Variants in AGBL1 observed in about 807,000 individuals in gnomAD.
AGBL1 encodes cytosolic carboxypeptidase 4.
Under a neutral mutation model 118.9 loss-of-function variants are expected in AGBL1, and 130 were observed. The observed-to-expected ratio is 1.09, with a 90% CI of 0.95 to 1.26. AGBL1 has a LOEUF of 1.26. Among genes scored for constraint, AGBL1 ranks in the 50% most tolerant of loss-of-function variants. The pLI, the probability that AGBL1 is intolerant of heterozygous loss-of-function variation, is 0.00. For missense variants in AGBL1, 1,584 were observed against 1,298.1 expected, an observed-to-expected ratio of 1.22 and a Z score of -3.38; for synonymous variants, 555 against 478.9, an observed-to-expected ratio of 1.16 and a Z score of -2.08.
At chr15:86,636,363 G>A (rs574917688) in intron 21 of AGBL1, among the ~76,000 whole-genome samples, 50 of 151,990 alleles carry the variant, frequency 3.3e-4, no homozygotes, top group Middle Eastern at 3.4e-3. Context: ...CATTTTCACC[G>A]TTTCATCTGG....
rs749844541 is a variant in AGBL1, at chr15:86,256,947, C to T, written c.830C>T (p.Thr277Ile). The T allele has an allele frequency of 8.7e-6, 14 of 1,613,876 alleles. No homozygotes were observed. Among genetic ancestry groups the T allele is most frequent in the Non-Finnish European group, 1.2e-5 (14 of 1,179,896 alleles). Reference protein sequence around the residue: ...CYPTSPLPLVTASSAYAFPVP... With the variant: ...CYPTSPLPLVIASSAYAFPVP... ...CCTACGAGTCCACTTCCCTTGGTCA[C>T]AGCCAGCAGTGCCTATGCCTTCCCG... Residue 277 changes from threonine (T) to isoleucine (I), a missense_variant, in exon 8 of 23, where the codon ACA becomes ATA. Physicochemically the swap from Thr to Ile is moderately conservative, Grantham distance 89 (BLOSUM62 -1). Coordinates refer to ENST00000614907, the MANE Select transcript of AGBL1 (RefSeq NM_001386094.1).
intron 18 of AGBL1, among the ~76,000 whole-genome samples, chr15:86,422,415 A>G (rs556590828): frequency 1.3e-5 from 2 of 152,310 alleles, no homozygotes; most frequent in South Asian, 4.1e-4. Context: ...CAAAGACACA[A>G]CTTACCACAA....
chr15:86,337,389 A>G (rs1595985388), intron 17 of AGBL1, among the ~76,000 whole-genome samples: 2 of 152,240 alleles, frequency 1.3e-5, no homozygotes, highest in African/African-American at 4.8e-5. Flanking sequence ...TGAGGTAGAA[A>G]GATGCATGCA....
chr15:86,452,923 T>G (rs2082213890), intron 18 of AGBL1, among the ~76,000 whole-genome samples: 1 of 152,224 alleles, frequency 6.6e-6, no homozygotes, highest in Non-Finnish European at 1.5e-5. Flanking sequence ...CCCGGTCTGC[T>G]CTGCTCAATA....
chr15:86,616,339 C>CAAA (rs199936794), intron 21 of AGBL1, among the ~76,000 whole-genome samples: 3 of 49,248 alleles, frequency 6.1e-5, no homozygotes, highest in African/African-American at 7.1e-5. Flanking sequence ...TCCTCCACTT[C>CAAA]AAAAAAAAAA....
chr15:86,713,181 G>C (rs1235702563), intron 22 of AGBL1, among the ~76,000 whole-genome samples: 2 of 152,074 alleles, frequency 1.3e-5, no homozygotes, highest in African/African-American at 4.8e-5. Flanking sequence ...AAGAGAAAGG[G>C]AGGCTAAGTA....
At chr15:86,163,412 A>T (rs2077294340) in intron 5 of AGBL1, among the ~76,000 whole-genome samples, 1 of 152,068 alleles carries the variant, frequency 6.6e-6, no homozygotes, top group African/African-American at 2.4e-5. Context: ...CTGGGGGACA[A>T]ATTGAGATCC....
chr15:86,789,659 A>G (rs1462849600), intron 22 of AGBL1, among the ~76,000 whole-genome samples: 1 of 152,116 alleles, frequency 6.6e-6, no homozygotes, highest in Non-Finnish European at 1.5e-5. Context: ...GTGGCTCTCA[A>G]TCCTCACTCA....
At chr15:86,871,528 A>G (rs1567217260) in intron 22 of AGBL1, among the ~76,000 whole-genome samples, 3 of 152,060 alleles carry the variant, frequency 2.0e-5, no homozygotes, top group African/African-American at 7.2e-5. Context: ...TGTGGTCTGG[A>G]TCCTCAGGCT....
intron 22 of AGBL1, among the ~76,000 whole-genome samples, chr15:86,772,124 C>T (rs2078191073): frequency 6.6e-6 from 1 of 152,022 alleles, no homozygotes; most frequent in Non-Finnish European, 1.5e-5. Context: ...GTCTGCCCAG[C>T]ATCTCCTTCA....
Position 86,802,969 on chromosome 15 carries a change from T to C in AGBL1, c.3159-104118T>C, listed in dbSNP as rs186887105. Among the ~76,000 whole-genome samples, 3 of 152,314 alleles carry C rather than the reference T, an allele frequency of 2.0e-5. No homozygotes were observed. In the East Asian group the frequency reaches 5.8e-4, roughly 29 times the overall value. On this transcript the variant is annotated intron_variant, in intron 22 of 22. Transcript: ENST00000614907. ...GAAGCAAATCACTATGTGTGACCCA[T>C]TATTTGGACTGCTATTAACCATTAC...
Position 86,132,959 on chromosome 15 carries a change from C to T in AGBL1, c.52-9045C>T, listed in dbSNP as rs556866276. 3.3e-5 allele frequency among the ~76,000 whole-genome samples: 5 copies of T among 152,244 alleles called. No homozygotes were observed. In the South Asian group the frequency reaches 6.2e-4, roughly 19 times the overall value. ...TTCACCTTTTGTCTGTCATGGCCAT[C>T]GCCTATTTATTTATCAACATTTTAT... is the stretch of plus-strand genomic sequence containing the variant. On this transcript the variant is annotated intron_variant, in intron 1 of 22. Transcript: ENST00000614907.
chr15:86,479,550 G>A (rs1567016004), intron 18 of AGBL1, among the ~76,000 whole-genome samples: 2 of 152,214 alleles, frequency 1.3e-5, no homozygotes, highest in East Asian at 3.9e-4. Context: ...CCACCAGTTA[G>A]AATGGTGATC....
intron 17 of AGBL1, among the ~76,000 whole-genome samples, chr15:86,307,383 C>G (rs2079856374): frequency 6.6e-6 from 1 of 151,960 alleles, no homozygotes; most frequent in Non-Finnish European, 1.5e-5. Flanking sequence ...GATCATTTTA[C>G]TAAATATGGG....
chr15:86,202,036 G>T (rs72630472), intron 5 of AGBL1, among the ~76,000 whole-genome samples: 10,587 of 152,182 alleles, frequency 0.07, 527 homozygotes, highest in East Asian at 0.24. Flanking sequence ...CTGTAATCCT[G>T]TAATCCCAGC....
At position 86,351,717 on chromosome 15, in the gene AGBL1, TAA is replaced by T. The variant is rs2080629586; in HGVS notation, c.2375-45646_2375-45645del. Among the ~76,000 whole-genome samples the T allele has an allele frequency of 3.3e-5, 5 of 152,318 alleles. No individual in the cohort carries two copies. The East Asian group carries it at 9.6e-4, about 29-fold the overall frequency. On this transcript the variant is annotated intron_variant, in intron 17 of 22. Transcript: ENST00000614907. ...AAGTTTACATCCAGAAGATCAAATA[TAA>T]AATATATTTCTACATCTATTTCTAC...
At chr15:86,686,706 G>A (rs996401857) in intron 22 of AGBL1, among the ~76,000 whole-genome samples, 11 of 151,838 alleles carry the variant, frequency 7.2e-5, no homozygotes, top group African/African-American at 9.7e-5. Flanking sequence ...CAAAGTGCTG[G>A]GATTACAGGC....
At chr15:86,593,900 T>G (rs530659899) in intron 21 of AGBL1, among the ~76,000 whole-genome samples, 1 of 152,268 alleles carries the variant, frequency 6.6e-6, no homozygotes, top group African/African-American at 2.4e-5. Context: ...TGAGATTCTT[T>G]ATCTTGTGTG....
At chr15:86,266,773 G>A (rs187370553) in intron 12 of AGBL1, among the ~76,000 whole-genome samples, 83 of 152,232 alleles carry the variant, frequency 5.5e-4, no homozygotes, top group African/African-American at 1.9e-3. Context: ...ATGGTGGCGG[G>A]TGCCTGTAGT....
Sources: allele counts gnomAD v4.1 joint callset (sites outside exome capture counted in the v4.1 genomes callset), GRCh38; gene constraint gnomAD v4.1.1; transcripts MANE v1.5; gene names NCBI Gene and HGNC (gene_info 2026-07-23, HGNC 2026-07-21).